Variants in CDH12 observed in about 807,000 individuals in gnomAD.
CDH12 encodes the protein cadherin 12.
In CDH12, 41 loss-of-function variants were observed where a neutral mutation model predicts 74.1. The observed-to-expected ratio is 0.55, with a 90% confidence interval of 0.43 to 0.72. The LOEUF is 0.72. CDH12 is among the 30% of genes least tolerant of loss of function. CDH12 has a pLI of 0.00. For synonymous variants in CDH12, 399 were observed against 355.0 expected (o/e 1.12, Z -1.39); for missense variants, 945 against 977.2 (o/e 0.97, Z 0.44).
At chr5:21,878,002 C>A (rs866523006) in intron 6 of CDH12, among the ~76,000 whole-genome samples, 1 of 152,176 alleles carries the variant, frequency 6.6e-6, no homozygotes, top group Admixed American at 6.5e-5. Flanking sequence ...CTCAAAGTCA[C>A]GATGATGCCA....
intron 1 of CDH12, among the ~76,000 whole-genome samples, chr5:22,669,729 G>A (rs545227513): frequency 2.1e-4 from 32 of 152,268 alleles, no homozygotes; most frequent in Admixed American, 3.9e-4. Flanking sequence ...ATTTTAATGT[G>A]TAGCCCAGCA....
chr5:22,470,371 A>G (rs1745906202), intron 2 of CDH12, among the ~76,000 whole-genome samples: 1 of 151,338 alleles, frequency 6.6e-6, no homozygotes. Context: ...TTATTTTTCC[A>G]TTTAATGAAT....
intron 10 of CDH12, among the ~76,000 whole-genome samples, chr5:21,793,189 A>G (rs1267599217): frequency 6.6e-6 from 1 of 151,800 alleles, no homozygotes; most frequent in Admixed American, 6.6e-5. Context: ...TCTAGACAGC[A>G]TCTATTTCTT....
intron 1 of CDH12, among the ~76,000 whole-genome samples, chr5:22,646,844 C>T (rs1050602587): frequency 6.6e-6 from 1 of 151,854 alleles, no homozygotes; most frequent in Non-Finnish European, 1.5e-5. Context: ...ATTACAAAAG[C>T]ACCCATAACC....
chr5:21,985,857 C>A (rs185962743), intron 5 of CDH12, among the ~76,000 whole-genome samples: 3,561 of 152,114 alleles, frequency 0.023, 137 homozygotes, highest in African/African-American at 0.081. Flanking sequence ...GAAGATCAGA[C>A]CCAAAGATGA....
At chr5:22,786,024 T>C (rs957350439) in intron 1 of CDH12, among the ~76,000 whole-genome samples, 3 of 152,098 alleles carry the variant, frequency 2.0e-5, no homozygotes, top group South Asian at 2.1e-4. Flanking sequence ...TGTATGTTCA[T>C]TGGAGCATTA....
At chr5:22,345,023 C>T (rs1375361374) in intron 3 of CDH12, among the ~76,000 whole-genome samples, 7 of 152,148 alleles carry the variant, frequency 4.6e-5, no homozygotes, top group East Asian at 1.9e-4. Flanking sequence ...CAAAACTGCC[C>T]GTGTTCTGAC....
chr5:22,360,766 C>T (rs150810872), intron 3 of CDH12, among the ~76,000 whole-genome samples: 6,271 of 152,220 alleles, frequency 0.041, 292 homozygotes, highest in East Asian at 0.12. Context: ...GGATGCAAGG[C>T]TGGTTCAACA....
intron 9 of CDH12, among the ~76,000 whole-genome samples, 162 bp from the exon 10 acceptor site, chr5:21,802,582 CA>C (rs1747181139): frequency 1.7e-5 from 2 of 116,494 alleles, no homozygotes; most frequent in African/African-American, 5.7e-5. Context: ...CAAGGCAAAC[CA>C]TTTTTTTTTC....
chr5:22,490,676 G>T lies in CDH12; in HGVS notation c.-428+14594C>A, dbSNP rs969569410. 2.0e-5 allele frequency among the ~76,000 whole-genome samples: 3 copies of T among 151,952 alleles called. No homozygotes were observed. In the South Asian group the frequency reaches 6.2e-4, roughly 32 times the overall value. On this transcript the variant is annotated intron_variant, in intron 2 of 14. Transcript: ENST00000382254. ...AAAAAACTGAGGATGGCCATAGTTT[G>T]CTGTCTTACTTCTACTAAATATACA...
At chr5:22,174,894 A>T (rs1333757668) in intron 4 of CDH12, among the ~76,000 whole-genome samples, 1 of 152,006 alleles carries the variant, frequency 6.6e-6, no homozygotes, top group Non-Finnish European at 1.5e-5. Flanking sequence ...TTTTGAAAGA[A>T]ATTTTGCTGT....
At chr5:22,299,180 A>T (rs1332612127) in intron 3 of CDH12, among the ~76,000 whole-genome samples, 1 of 152,170 alleles carries the variant, frequency 6.6e-6, no homozygotes, top group African/African-American at 2.4e-5. Context: ...AGGAGAGGGA[A>T]CATGACTGAT....
Position 21,901,837 on chromosome 5 carries a change from T to C in CDH12, c.527-47047A>G, listed in dbSNP as rs553803282. Among the ~76,000 whole-genome samples, 10 of 152,272 alleles carry C rather than the reference T, an allele frequency of 6.6e-5. No individual in the cohort carries two copies. In the South Asian group the frequency reaches 2.1e-3, roughly 32 times the overall value. Reference sequence around the variant, plus strand: ...TATCCATCATGAGGTTTTCCAAACATCAGTCATTCAATTATTTCCTTCACA... The same window carrying C: ...TATCCATCATGAGGTTTTCCAAACACCAGTCATTCAATTATTTCCTTCACA... On this transcript the variant is annotated intron_variant, in intron 6 of 14. Coordinates refer to ENST00000382254, the MANE Select transcript of CDH12 (RefSeq NM_004061.5).
At chr5:21,866,488 T>C (rs950261568) in intron 6 of CDH12, among the ~76,000 whole-genome samples, 2 of 152,192 alleles carry the variant, frequency 1.3e-5, no homozygotes, top group Non-Finnish European at 2.9e-5. Flanking sequence ...CAAAGGTGAC[T>C]CCTGTCATGT....
chr5:22,360,644 C>T (rs1483461203), intron 3 of CDH12, among the ~76,000 whole-genome samples: 1 of 152,076 alleles, frequency 6.6e-6, no homozygotes, highest in African/African-American at 2.4e-5. Flanking sequence ...GAATTTTAGA[C>T]CAATATCCCT....
chr5:22,260,462 T>G (rs1019983759), intron 3 of CDH12, among the ~76,000 whole-genome samples: 4 of 152,078 alleles, frequency 2.6e-5, no homozygotes, highest in Admixed American at 6.6e-5. Context: ...ACGAGAATAA[T>G]TTTTTCTACA....
intron 6 of CDH12, among the ~76,000 whole-genome samples, chr5:21,922,008 A>G (rs2150072695): frequency 6.6e-6 from 1 of 152,300 alleles, no homozygotes; most frequent in Non-Finnish European, 1.5e-5. Flanking sequence ...GACTGGTTAT[A>G]GTAACTTCTT....
At chr5:22,719,885 C>T (rs574806951) in intron 1 of CDH12, among the ~76,000 whole-genome samples, 2 of 152,194 alleles carry the variant, frequency 1.3e-5, no homozygotes, top group African/African-American at 4.8e-5. Context: ...TAGCCAGAAG[C>T]GAGCAGGAAA....
intron 3 of CDH12, among the ~76,000 whole-genome samples, chr5:22,307,773 T>C (rs7715535): frequency 0.35 from 53,753 of 151,578 alleles, 10,005 homozygotes; most frequent in East Asian, 0.49. Context: ...GTAACTAATA[T>C]GGGTCATTTT....
Sources: allele counts gnomAD v4.1 joint callset (sites outside exome capture counted in the v4.1 genomes callset), GRCh38; gene constraint gnomAD v4.1.1; transcripts MANE v1.5; gene names NCBI Gene and HGNC (gene_info 2026-07-23, HGNC 2026-07-21).